The following SGK3 variants were observed in gnomAD, a reference collection of about 807,000 sequenced individuals.
SGK3 encodes the protein serine/threonine-protein kinase Sgk3.
In SGK3, 47 loss-of-function variants were observed where a neutral mutation model predicts 68.5. The ratio of observed to expected loss-of-function variants is 0.69; its 90% CI spans 0.54 to 0.87. The LOEUF (loss-of-function observed/expected upper bound fraction) is 0.87. Ranked by LOEUF, SGK3 falls within the 40% of genes least tolerant of loss-of-function variation. The pLI, the probability that SGK3 is intolerant of heterozygous loss-of-function variation, is 0.00. For synonymous variants in SGK3, 181 were observed against 189.1 expected, an observed-to-expected ratio of 0.96 and a Z score of 0.35; for missense variants, 479 against 575.5, an observed-to-expected ratio of 0.83 and a Z score of 1.72.
At chr8:66,735,747 A>G (rs1805300691) in intron 1 of SGK3, among the ~76,000 whole-genome samples, 1 of 152,158 alleles carries the variant, frequency 6.6e-6, no homozygotes. Context: ...ATGTCATTGA[A>G]TTGTGTTTTC....
intron 1 of SGK3, among the ~76,000 whole-genome samples, chr8:66,715,284 G>A (rs1339276995): frequency 6.6e-6 from 1 of 150,662 alleles, no homozygotes; most frequent in Non-Finnish European, 1.5e-5. Flanking sequence ...TTGAGACAGA[G>A]TCTTGCTCTG....
intron 7 of SGK3, 87 bp from the exon 8 acceptor site, chr8:66,831,167 T>C: frequency 6.6e-7 from 1 of 1,509,976 alleles, no homozygotes; most frequent in Non-Finnish European, 9.1e-7. Context: ...TAACATTTAT[T>C]TTTTAAAGAG....
chr8:66,814,373 G>T (rs1472156144), intron 5 of SGK3, among the ~76,000 whole-genome samples: 1 of 152,186 alleles, frequency 6.6e-6, no homozygotes, highest in Admixed American at 6.5e-5. Context: ...TTATGATAGA[G>T]GTGCTAGAAG....
chr8:66,787,626 C>G (rs558445286), intron 1 of SGK3, among the ~76,000 whole-genome samples: 3 of 152,140 alleles, frequency 2.0e-5, no homozygotes, highest in Admixed American at 6.5e-5. Flanking sequence ...ACTTTGTCAT[C>G]GGTCCATTGA....
At chr8:66,798,438 T>C in intron 2 of SGK3, 104 bp from the exon 3 acceptor site, 9 of 919,160 alleles carry the variant, frequency 9.8e-6, no homozygotes, top group Non-Finnish European at 1.4e-5. Flanking sequence ...AGCCAGACTG[T>C]CTCAAAAAAA....
Position 66,842,891 on chromosome 8 carries a change from A to G in SGK3, c.979-561A>G, listed in dbSNP as rs1197610676. Reference sequence around the variant, plus strand: ...CCAGACCAGCCTGGGCAACATGGCTAAACCCCCGTCTCTATGAAAAATACG... The same window carrying G: ...CCAGACCAGCCTGGGCAACATGGCTGAACCCCCGTCTCTATGAAAAATACG... On this transcript the variant is annotated intron_variant, in intron 13 of 16. Transcript: ENST00000521198. Among the ~76,000 whole-genome samples, 3 of 152,226 alleles carry G rather than the reference A, an allele frequency of 2.0e-5. No individual in the cohort carries two copies. In the East Asian group the frequency reaches 5.8e-4, roughly 29 times the overall value.
intron 3 of SGK3, among the ~76,000 whole-genome samples, chr8:66,801,183 T>C (rs1426916054): frequency 1.3e-5 from 2 of 152,222 alleles, no homozygotes; most frequent in African/African-American, 4.8e-5. Flanking sequence ...GTTATACTTA[T>C]CAGTTAACCA....
At chr8:66,744,526 T>TTG (rs1554593812) in intron 1 of SGK3, among the ~76,000 whole-genome samples, 1 of 100,036 alleles carries the variant, frequency 1.0e-5, no homozygotes, top group African/African-American at 4.3e-5. Context: ...TATATTTTTT[T>TTG]TTTTTTTTTT....
rs10689856 is a variant in SGK3, at chr8:66,829,867, AT to A, written c.467+1184del. On this transcript the variant is annotated intron_variant, in intron 7 of 16. Coordinates refer to ENST00000521198, the MANE Select transcript of SGK3 (RefSeq NM_001033578.3). Reference sequence around the variant, plus strand: ...ACAAAAATGGCAGCACAAAAAATGGATTTTTTTTTTTTTTTTTTTTATTGAG... The same window carrying A: ...ACAAAAATGGCAGCACAAAAAATGGATTTTTTTTTTTTTTTTTTTATTGAG... 6.5e-3 allele frequency among the ~76,000 whole-genome samples: 896 copies of A among 137,738 alleles called. 1 individual carries two copies. The highest frequency in any genetic ancestry group is 7.8e-3 in the Middle Eastern group (2 of 258). The allele number at this position is 137,738 out of a possible 152,430, so 90.4% of individuals were successfully genotyped here. A position where few individuals can be genotyped will look rare whatever the true frequency, so the allele number is the denominator to read the frequency against.
intron 1 of SGK3, among the ~76,000 whole-genome samples, chr8:66,736,682 C>T (rs1805325201): frequency 1.3e-5 from 2 of 151,580 alleles, no homozygotes; most frequent in African/African-American, 2.4e-5. Flanking sequence ...TGCAATGGCG[C>T]AATCTCAGCT....
intron 5 of SGK3, among the ~76,000 whole-genome samples, chr8:66,817,361 G>A (rs1698765477): frequency 2.6e-5 from 4 of 151,812 alleles, no homozygotes; most frequent in Admixed American, 2.6e-4. Context: ...AACCTGGGAG[G>A]CAGAGGTTGC....
chr8:66,767,401 A>G (rs1257071473), intron 1 of SGK3: 1 of 1,273,570 alleles, frequency 7.9e-7, no homozygotes, highest in Non-Finnish European at 1.1e-6. Flanking sequence ...AGAAATTTAA[A>G]TATCTATGTC....
At chr8:66,743,410 G>A (rs187468701) in intron 1 of SGK3, among the ~76,000 whole-genome samples, 119 of 152,280 alleles carry the variant, frequency 7.8e-4, no homozygotes, top group African/African-American at 2.5e-3. Context: ...CTGCAATTAC[G>A]TTATATATTA....
At chr8:66,820,399 A>G (rs542101277) in intron 5 of SGK3, among the ~76,000 whole-genome samples, 1 of 152,174 alleles carries the variant, frequency 6.6e-6, no homozygotes, top group Admixed American at 6.5e-5. Flanking sequence ...GTTCCTTTTT[A>G]TGGCTAATAT....
chr8:66,850,269 T>G (rs1048607534), intron 15 of SGK3, among the ~76,000 whole-genome samples: 1 of 152,228 alleles, frequency 6.6e-6, no homozygotes, highest in Non-Finnish European at 1.5e-5. Context: ...CAAATTAGGT[T>G]GGATCCTACT....
intron 1 of SGK3, among the ~76,000 whole-genome samples, chr8:66,787,785 T>C (rs1807270283): frequency 6.6e-6 from 1 of 152,220 alleles, no homozygotes; most frequent in Admixed American, 6.5e-5. Context: ...AAGGTTCATA[T>C]ACATATTTCT....
At chr8:66,735,541 T>A (rs1805294900) in intron 1 of SGK3, among the ~76,000 whole-genome samples, 1 of 152,202 alleles carries the variant, frequency 6.6e-6, no homozygotes. Context: ...GTTGGGCAAT[T>A]CTGTACTACC....
chr8:66,720,781 T>TTTTATATA (rs1554590872), intron 1 of SGK3, among the ~76,000 whole-genome samples: 1 of 146,248 alleles, frequency 6.8e-6, no homozygotes, highest in African/African-American at 2.7e-5. Context: ...AAAAAAAAAA[T>TTTTATATA]TATATATATA....
chr8:66,839,889 C>T, intron 10 of SGK3, 114 bp from the exon 11 acceptor site: 1 of 983,742 alleles, frequency 1.0e-6, no homozygotes, highest in Non-Finnish European at 1.5e-6. Flanking sequence ...AGCTCACATT[C>T]AAAGTAACAA....
Sources: gnomAD v4.1 joint callset for allele counts (sites outside exome capture counted in the v4.1 genomes callset) on GRCh38, gnomAD v4.1.1 for gene constraint, MANE v1.5 for transcripts, NCBI Gene and HGNC (gene_info 2026-07-23, HGNC 2026-07-21) for gene names.